Variants in PDGFD observed in about 807,000 individuals in gnomAD.
PDGFD encodes platelet derived growth factor D.
PDGFD carries 30 observed loss-of-function variants against 44.7 expected under a neutral mutation model. That is an observed-to-expected ratio of 0.67 (90% CI 0.50 to 0.91). PDGFD has a LOEUF of 0.91. Among genes scored for constraint, PDGFD ranks in the 40% least tolerant of loss-of-function variants. PDGFD has a pLI of 0.00. For missense variants in PDGFD, 445 were observed against 457.8 expected, an observed-to-expected ratio of 0.97 and a Z score of 0.25; for synonymous variants, 173 against 168.4, an observed-to-expected ratio of 1.03 and a Z score of -0.21.
At chr11:103,944,315 A>G (rs1012716102) in intron 4 of PDGFD, among the ~76,000 whole-genome samples, 3 of 152,120 alleles carry the variant, frequency 2.0e-5, no homozygotes, top group African/African-American at 7.2e-5. Context: ...AAAACTTCTC[A>G]GGAAGACTCT....
chr11:104,036,475 T>C, intron 1 of PDGFD: 1 of 264,584 alleles, frequency 3.8e-6, no homozygotes, highest in South Asian at 7.3e-5. Flanking sequence ...ATTTCTTTCA[T>C]ATCATGTGTT....
chr11:104,140,438 C>T (rs1033229538), intron 1 of PDGFD, among the ~76,000 whole-genome samples: 2 of 147,760 alleles, frequency 1.4e-5, no homozygotes, highest in Non-Finnish European at 3.0e-5. Context: ...ATCCAACAAT[C>T]CTCTGTGGCC....
chr11:103,997,859 G>A (rs1001986398), intron 2 of PDGFD, among the ~76,000 whole-genome samples: 1 of 152,056 alleles, frequency 6.6e-6, no homozygotes, highest in Non-Finnish European at 1.5e-5. Flanking sequence ...CTTAGGGAGG[G>A]TTCTGAGACA....
At chr11:103,986,727 C>T (rs1859370675) in intron 3 of PDGFD, among the ~76,000 whole-genome samples, 1 of 152,154 alleles carries the variant, frequency 6.6e-6, no homozygotes, top group Non-Finnish European at 1.5e-5. Flanking sequence ...TCAAAACAAA[C>T]CCCCTTCCTG....
chr11:104,109,090 T>C (rs1861513203), intron 1 of PDGFD, among the ~76,000 whole-genome samples: 1 of 150,916 alleles, frequency 6.6e-6, no homozygotes. Flanking sequence ...TTAGGAGACA[T>C]ACCTAATGTA....
chr11:104,074,190 A>G (rs1860920124), intron 1 of PDGFD, among the ~76,000 whole-genome samples: 1 of 152,186 alleles, frequency 6.6e-6, no homozygotes, highest in Non-Finnish European at 1.5e-5. Context: ...CAGGCAACCC[A>G]TCCAGTGGCC....
intron 1 of PDGFD, among the ~76,000 whole-genome samples, chr11:104,032,748 T>C (rs1860149236): frequency 6.6e-6 from 1 of 152,044 alleles, no homozygotes; most frequent in Non-Finnish European, 1.5e-5. Flanking sequence ...ACTTGGTTAG[T>C]ATGAAATCAG....
At chr11:103,940,926 C>T (rs1321551278) in intron 5 of PDGFD, among the ~76,000 whole-genome samples, 1 of 152,084 alleles carries the variant, frequency 6.6e-6, no homozygotes, top group Non-Finnish European at 1.5e-5. Flanking sequence ...TAACCAAAGA[C>T]ATTTTTAATA....
intron 1 of PDGFD, among the ~76,000 whole-genome samples, chr11:104,065,013 G>A (rs540045533): frequency 1.3e-5 from 2 of 152,282 alleles, no homozygotes; most frequent in African/African-American, 4.8e-5. Flanking sequence ...ATCTGGGTAA[G>A]CACAATGTAA....
intron 1 of PDGFD, among the ~76,000 whole-genome samples, chr11:104,125,391 TA>T (rs1386442626): frequency 6.6e-6 from 1 of 152,040 alleles, no homozygotes; most frequent in African/African-American, 2.4e-5. Context: ...TTCAAATAAT[TA>T]AAAAAAGGAC....
At chr11:104,008,378 T>C (rs955908503) in intron 1 of PDGFD, among the ~76,000 whole-genome samples, 2 of 152,162 alleles carry the variant, frequency 1.3e-5, no homozygotes, top group African/African-American at 4.8e-5. Flanking sequence ...TAACATTTTA[T>C]TATATTAGCA....
intron 1 of PDGFD, among the ~76,000 whole-genome samples, chr11:104,078,034 A>G (rs7113154): frequency 1.4e-5 from 1 of 69,330 alleles, no homozygotes; most frequent in African/African-American, 1.1e-4. Context: ...TGGTTATGCC[A>G]CTGGTCCTCA....
intron 3 of PDGFD, among the ~76,000 whole-genome samples, chr11:103,985,061 A>AT (rs1859337544): frequency 1.7e-5 from 2 of 114,786 alleles, no homozygotes; most frequent in Non-Finnish European, 3.5e-5. Context: ...AATATATATT[A>AT]ATTTATTTAA....
intron 3 of PDGFD, among the ~76,000 whole-genome samples, chr11:103,953,953 C>G (rs1463466838): frequency 1.3e-5 from 2 of 152,182 alleles, no homozygotes; most frequent in African/African-American, 4.8e-5. Context: ...GAACCATCAG[C>G]TCAGGGTCAG....
At chr11:103,993,993 G>A (rs1859497731) in intron 3 of PDGFD, among the ~76,000 whole-genome samples, 1 of 151,870 alleles carries the variant, frequency 6.6e-6, no homozygotes, top group South Asian at 2.1e-4. Context: ...ATGCCAAACA[G>A]TTTACATCCA....
At chr11:104,003,326 C>A (rs1040280762) in intron 1 of PDGFD, among the ~76,000 whole-genome samples, 5 of 152,176 alleles carry the variant, frequency 3.3e-5, no homozygotes, top group Non-Finnish European at 5.9e-5. Flanking sequence ...GAAAGCCAGG[C>A]AGAAATATCT....
At position 104,163,856 on chromosome 11, in the gene PDGFD, G is replaced by C; in HGVS notation, c.72C>G (p.Thr24=). Residue 24 remains threonine (T), a synonymous_variant, in exon 1 of 7, where the codon ACC becomes ACG. Transcript: ENST00000393158. ...NFCSCRDTSA[T]PQSASIKALR... The stretch of plus-strand genomic sequence containing the variant: ...AAGCTTTGATGGATGCGCTCTGCGG[G>C]GTTGCAGAAGTGTCCCGACAGCTGC... 2 of 1,577,764 alleles carry C rather than the reference G, an allele frequency of 1.3e-6. No homozygotes were observed. The highest frequency in any genetic ancestry group is 1.3e-5 in the African/African-American group (1 of 74,618).
intron 1 of PDGFD, among the ~76,000 whole-genome samples, chr11:104,082,226 T>G (rs1353215821): frequency 6.7e-6 from 1 of 149,982 alleles, no homozygotes; most frequent in Non-Finnish European, 1.5e-5. Flanking sequence ...ACTCAAGCTC[T>G]CAACAAGTTG....
At chr11:104,162,159 A>C (rs1049826795) in intron 1 of PDGFD, among the ~76,000 whole-genome samples, 1 of 152,108 alleles carries the variant, frequency 6.6e-6, no homozygotes, top group Non-Finnish European at 1.5e-5. Context: ...CAAAAAAAAA[A>C]AAACCTGCTG....
Sources: gnomAD v4.1 joint callset for allele counts (sites outside exome capture counted in the v4.1 genomes callset) on GRCh38, gnomAD v4.1.1 for gene constraint, MANE v1.5 for transcripts, NCBI Gene and HGNC (gene_info 2026-07-23, HGNC 2026-07-21) for gene names.